Variants in CNTRL observed in about 807,000 individuals in gnomAD.
CNTRL encodes 110 kDa centrosomal protein.
CNTRL carries 233 observed loss-of-function variants against 303.7 expected under a neutral mutation model. That is an observed-to-expected ratio of 0.77 (90% CI 0.69 to 0.86). The LOEUF (loss-of-function observed/expected upper bound fraction) is 0.86. Among genes scored for constraint, CNTRL ranks in the 40% least tolerant of loss-of-function variants. The pLI is 0.00. For synonymous variants in CNTRL, 900 were observed against 922.2 expected (o/e 0.98, Z 0.44); for missense variants, 2,524 against 2,650.6 (o/e 0.95, Z 1.05).
At position 121,164,948 on chromosome 9, in the gene CNTRL, T is replaced by TAGC. The variant is rs1370698113; in HGVS notation, c.5438_5440dup (p.Ala1813dup). 4.3e-6 allele frequency: 7 copies of TAGC among 1,611,412 alleles called. No homozygotes were observed. Among genetic ancestry groups the TAGC allele is most frequent in the Non-Finnish European group, 5.9e-6 (7 of 1,179,200 alleles). ...TGACTTACTCTCTGTGGTAGGGTTT[T>TAGC]AGCAGCAGCAGAAGAAAATAGCAAA... On this transcript the variant is annotated inframe_insertion, in exon 35 of 44. Coordinates refer to ENST00000373855, the MANE Select transcript of CNTRL (RefSeq NM_007018.6).
chr9:121,173,868 C>G, intron 42 of CNTRL, 131 bp downstream of exon 42: 1 of 860,766 alleles, frequency 1.2e-6, no homozygotes, highest in Non-Finnish European at 1.9e-6. Context: ...TCAGGGATGG[C>G]ATGTCTGAAG....
intron 38 of CNTRL, among the ~76,000 whole-genome samples, chr9:121,169,142 A>G (rs922096656): frequency 6.6e-6 from 1 of 152,240 alleles, no homozygotes; most frequent in Non-Finnish European, 1.5e-5. Context: ...CCAATTGAAC[A>G]TCAGGAAATG....
At position 121,118,445 on chromosome 9, in the gene CNTRL, A is replaced by G. The variant is rs144385743; in HGVS notation, c.1555A>G (p.Met519Val). 15 of 1,613,474 alleles carry G rather than the reference A, an allele frequency of 9.3e-6. No homozygotes were observed. Among genetic ancestry groups the G allele is most frequent in the Non-Finnish European group, 1.1e-5 (13 of 1,179,682 alleles). The change falls in exon 12 of 44, where the codon ATG becomes GTG. Residue 519 changes from methionine (M) to valine (V), a missense_variant. Coordinates refer to ENST00000373855, the MANE Select transcript of CNTRL (RefSeq NM_007018.6). ...GGAAGCTCTGGATCTAGAACTGCAG[A>G]TGGAAAAGCAAAAGCAGGAAATTGC... ...RQEALDLELQ[M>V]EKQKQEIAGK... is the part of the protein sequence containing the mutation.
chr9:121,139,269 G>A (rs1011928884), intron 16 of CNTRL, among the ~76,000 whole-genome samples: 8 of 152,138 alleles, frequency 5.3e-5, no homozygotes, highest in African/African-American at 1.4e-4. Flanking sequence ...TTAAACTCTC[G>A]AAGAAGACAG....
chr9:121,111,154 A>G (rs1162258062), intron 8 of CNTRL: 1 of 152,142 alleles, frequency 6.6e-6, no homozygotes, highest in Admixed American at 6.6e-5. Flanking sequence ...AATGTGGGTA[A>G]TGTGCTGGAC....
chr9:121,142,776 G>T (rs1305649390), intron 19 of CNTRL, among the ~76,000 whole-genome samples: 2 of 152,072 alleles, frequency 1.3e-5, no homozygotes, highest in African/African-American at 4.8e-5. Context: ...TATCTTGCTG[G>T]TATCCACACA....
At position 121,096,537 on chromosome 9, in the gene CNTRL, A is replaced by C. The variant is rs753385839; in HGVS notation, c.595A>C (p.Asn199His). 3 of 1,485,140 alleles carry C rather than the reference A, an allele frequency of 2.0e-6. No individual in the cohort carries two copies. Among genetic ancestry groups the C allele is most frequent in the Admixed American group, 2.0e-5 (1 of 50,854 alleles). The allele number at this position is 1,485,140 out of a possible 1,614,324, so 92.0% of individuals were successfully genotyped here. The part of the protein sequence containing the change: ...GKKLKSLRVL[N>H]LKGNKISSLQ... ...GAAGTTAAAATCTTTGCGAGTCCTC[A>C]ATTTGAAAGGCAACAAGATATCATC... is the stretch of plus-strand genomic sequence containing the variant. The change falls in exon 6 of 44, where the codon AAT (asparagine) becomes CAT (histidine). Residue 199 changes from asparagine (N) to histidine (H), a missense_variant. Transcript: ENST00000373855.
intron 7 of CNTRL, among the ~76,000 whole-genome samples, chr9:121,105,346 CAAGT>C (rs1331066973): frequency 2.6e-5 from 4 of 152,058 alleles, no homozygotes; most frequent in Admixed American, 6.6e-5. Context: ...GCTTTTGGCT[CAAGT>C]AAGTAAGTGG....
At chr9:121,169,913 C>A in intron 39 of CNTRL, 97 bp downstream of exon 39, 1 of 968,874 alleles carries the variant, frequency 1.0e-6, no homozygotes, top group Non-Finnish European at 1.6e-6. Context: ...AATTACCCAT[C>A]AACCCAGTCC....
rs1410394387 is a variant in CNTRL at position 121,160,283 on chromosome 9, G to C, written c.5070G>C (p.Gln1690His). The C allele has an allele frequency of 5.9e-6, 9 of 1,532,702 alleles. No individual in the cohort carries two copies. Among genetic ancestry groups the C allele is most frequent in the Non-Finnish European group, 7.0e-6 (8 of 1,147,892 alleles). The allele number at this position is 1,532,702 out of a possible 1,614,324, so 94.9% of individuals were successfully genotyped here. Residue 1690 changes from glutamine to histidine, a missense_variant, in exon 32 of 44, where the codon CAG becomes CAC. Physicochemically the swap from Gln to His is conservative, Grantham distance 24. Transcript: ENST00000373855. Reference sequence around the variant, plus strand: ...AAAATCTTCAGGTTGTTTTAAGGCAGATGTCTAAACATAAAACCGGTAAGT... The same window carrying C: ...AAAATCTTCAGGTTGTTTTAAGGCACATGTCTAAACATAAAACCGGTAAGT... ...EEENLQVVLR[Q>H]MSKHKTELKN...
At chr9:121,092,821 T>A (rs1237865604) in intron 4 of CNTRL, among the ~76,000 whole-genome samples, 1 of 103,604 alleles carries the variant, frequency 9.7e-6, no homozygotes, top group African/African-American at 3.9e-5. Flanking sequence ...ATATATATTT[T>A]TTTTTTTTTG....
chr9:121,126,246 CAT>C (rs771491444), intron 14 of CNTRL, among the ~76,000 whole-genome samples: 7 of 152,140 alleles, frequency 4.6e-5, no homozygotes, highest in Non-Finnish European at 5.9e-5. Context: ...ATTAAATGCT[CAT>C]ATTTTATTTG....
At chr9:121,155,413 G>C (rs898844589) in intron 27 of CNTRL, among the ~76,000 whole-genome samples, 1 of 151,968 alleles carries the variant, frequency 6.6e-6, no homozygotes, top group African/African-American at 2.4e-5. Context: ...ATGGTGTCTC[G>C]CTCTGTCACC....
At chr9:121,080,877 A>T (rs2048111232) in intron 2 of CNTRL, among the ~76,000 whole-genome samples, 2 of 152,256 alleles carry the variant, frequency 1.3e-5, no homozygotes, top group Admixed American at 6.5e-5. Flanking sequence ...AGAAAAGCAT[A>T]GCAAATTTAT....
At chr9:121,130,188 G>A (rs921609003) in intron 14 of CNTRL, among the ~76,000 whole-genome samples, 2 of 152,156 alleles carry the variant, frequency 1.3e-5, no homozygotes, top group Non-Finnish European at 2.9e-5. Flanking sequence ...TTCATTGGAA[G>A]AGTTTCAGAA....
chr9:121,131,658 G>C (rs929061991), intron 14 of CNTRL, among the ~76,000 whole-genome samples: 9 of 152,142 alleles, frequency 5.9e-5, no homozygotes, highest in African/African-American at 2.2e-4. Flanking sequence ...GTTATGTGTG[G>C]ATTTGATCCT....
At chr9:121,087,669 C>T (rs748375993) in intron 2 of CNTRL, among the ~76,000 whole-genome samples, 5 of 151,826 alleles carry the variant, frequency 3.3e-5, no homozygotes, top group Non-Finnish European at 5.9e-5. Context: ...CCAGCCTGGG[C>T]GACAAGAGTG....
chr9:121,169,199 T>A (rs1048788341), intron 38 of CNTRL, among the ~76,000 whole-genome samples: 1 of 152,236 alleles, frequency 6.6e-6, no homozygotes, highest in African/African-American at 2.4e-5. Context: ...AGGAGCCAGC[T>A]CCAAATCCTG....
At chr9:121,078,186 C>T (rs1448531654) in intron 1 of CNTRL, among the ~76,000 whole-genome samples, 1 of 152,068 alleles carries the variant, frequency 6.6e-6, no homozygotes, top group African/African-American at 2.4e-5. Flanking sequence ...GTGGGTGGAT[C>T]ACCTGAGGTC....
Sources: allele counts gnomAD v4.1 joint callset (sites outside exome capture counted in the v4.1 genomes callset), GRCh38; gene constraint gnomAD v4.1.1; transcripts MANE v1.5; gene names NCBI Gene and HGNC (gene_info 2026-07-23, HGNC 2026-07-21).